The following FRK variants were observed in gnomAD, a reference collection of about 807,000 sequenced individuals.
The protein encoded by FRK is tyrosine-protein kinase FRK.
Under a neutral mutation model 56.4 loss-of-function variants are expected in FRK, and 51 were observed. The ratio of observed to expected loss-of-function variants is 0.90; its 90% CI spans 0.72 to 1.14. The LOEUF is 1.14. Ranked by LOEUF, FRK falls within the 50% of genes most tolerant of loss-of-function variation. The pLI is 0.00. For missense variants in FRK, 570 were observed against 601.4 expected, an observed-to-expected ratio of 0.95 and a Z score of 0.55; for synonymous variants, 245 against 217.9, an observed-to-expected ratio of 1.12 and a Z score of -1.10.
intron 4 of FRK, among the ~76,000 whole-genome samples, chr6:115,962,320 G>A (rs903262261): frequency 2.0e-5 from 3 of 151,340 alleles, no homozygotes; most frequent in African/African-American, 4.9e-5. Context: ...TAATGGTAAA[G>A]GGATCAATTC....
At position 115,931,986 on chromosome 6, in the gene FRK, T is replaced by A. The variant is rs1008808196; in HGVS notation, c.*10428A>T. On this transcript the variant is annotated 3_prime_UTR_variant, in exon 8 of 8. Coordinates refer to ENST00000606080, the MANE Select transcript of FRK (RefSeq NM_002031.3). ...TTATTCTCCATGAAAATGAAAAAGATGTTACATTGACGTCTGTTGCTTCAA... is the reference window on the plus strand; with the variant it reads ...TTATTCTCCATGAAAATGAAAAAGAAGTTACATTGACGTCTGTTGCTTCAA... 1 of 152,230 alleles carries A rather than the reference T, an allele frequency of 6.6e-6. No homozygotes were observed. Among genetic ancestry groups the A allele is most frequent in the Non-Finnish European group, 1.5e-5 (1 of 68,032 alleles). 9.4% of individuals were successfully genotyped at this position (152,230 alleles called of 1,614,324 possible). A position where few individuals can be genotyped will look rare whatever the true frequency, so the allele number is the denominator to read the frequency against.
chr6:115,932,567 A>C lies in FRK; in HGVS notation c.*9847T>G, dbSNP rs1459395610. On this transcript the variant is annotated 3_prime_UTR_variant, in exon 8 of 8. Transcript: ENST00000606080. Reference sequence around the variant, plus strand: ...TGATGCAATTTGAATAAGGTACCCAAATCATCACCATTCTAGCTCACATAA... The same window carrying C: ...TGATGCAATTTGAATAAGGTACCCACATCATCACCATTCTAGCTCACATAA... The C allele has an allele frequency of 6.6e-6, 1 of 152,216 alleles. No homozygotes were observed. Among genetic ancestry groups the C allele is most frequent in the Non-Finnish European group, 1.5e-5 (1 of 68,042 alleles). 9.4% of individuals were successfully genotyped at this position (152,216 alleles called of 1,614,324 possible).
chr6:116,022,385 C>G (rs549884938), intron 1 of FRK, among the ~76,000 whole-genome samples: 206 of 152,198 alleles, frequency 1.4e-3, no homozygotes, highest in Non-Finnish European at 2.6e-3. Flanking sequence ...AAGGAAACTA[C>G]AGATGAATAT....
At chr6:116,085,451 G>T in the FRK span, among the ~76,000 whole-genome samples, 1 of 152,164 alleles carries the variant, frequency 6.6e-6, no homozygotes, top group African/African-American at 2.4e-5. Context: ...ATGCATAAAT[G>T]ACTTAGTCTA....
intron 1 of FRK, among the ~76,000 whole-genome samples, chr6:116,024,310 A>T (rs1775993187): frequency 6.6e-6 from 1 of 151,826 alleles, no homozygotes; most frequent in African/African-American, 2.4e-5. Context: ...ACATGTGCAC[A>T]ATGTGCAGGT....
intron 4 of FRK, among the ~76,000 whole-genome samples, chr6:115,957,478 T>C (rs1477373705): frequency 6.6e-6 from 1 of 152,246 alleles, no homozygotes; most frequent in Non-Finnish European, 1.5e-5. Flanking sequence ...AATACTGTCA[T>C]TTCACATCTT....
At chr6:116,050,602 C>T (rs1290827495) in intron 1 of FRK, among the ~76,000 whole-genome samples, 2 of 152,172 alleles carry the variant, frequency 1.3e-5, no homozygotes, top group African/African-American at 4.8e-5. Context: ...TAAAACACTA[C>T]AGATGTGTTC....
Position 116,060,565 on chromosome 6 carries a change from G to A in FRK, c.-254C>T, listed in dbSNP as rs543895754. The A allele has an allele frequency of 4.5e-6, 2 of 447,010 alleles. No homozygotes were observed. The highest frequency in any genetic ancestry group is 8.0e-6 in the Non-Finnish European group (2 of 250,608). The allele number at this position is 447,010 out of a possible 1,614,324, so 27.7% of individuals were successfully genotyped here. On this transcript the variant is annotated 5_prime_UTR_variant, in exon 1 of 8. Coordinates refer to ENST00000606080, the MANE Select transcript of FRK (RefSeq NM_002031.3). ...AAAACTGAGCAGGAGCTGGGCAGCT[G>A]CTCACTAGGAAGGTGTCTTTTCTTC...
chr6:115,954,268 C>A (rs762274496), intron 5 of FRK, among the ~76,000 whole-genome samples: 8 of 152,090 alleles, frequency 5.3e-5, no homozygotes, highest in Non-Finnish European at 1.0e-4. Flanking sequence ...AAGATGAGAT[C>A]CGAGAGGGAA....
At chr6:115,967,447 C>T in intron 4 of FRK, 104 bp downstream of exon 4, 1 of 1,099,700 alleles carries the variant, frequency 9.1e-7, no homozygotes, top group Non-Finnish European at 1.3e-6. Flanking sequence ...ACAACACCTG[C>T]TTGCTGCCAG....
At chr6:115,995,484 G>A (rs980494010) in intron 2 of FRK, among the ~76,000 whole-genome samples, 1 of 151,944 alleles carries the variant, frequency 6.6e-6, no homozygotes, top group Non-Finnish European at 1.5e-5. Flanking sequence ...TCTTTGTTAT[G>A]TTTTCCTCCA....
At chr6:116,093,175 C>T in the FRK span, among the ~76,000 whole-genome samples, 55 of 152,262 alleles carry the variant, frequency 3.6e-4, no homozygotes, top group African/African-American at 1.3e-3. Context: ...CTCCCTATAG[C>T]TCCCCTTCCT....
chr6:116,023,450 CA>C (rs889648479), intron 1 of FRK, among the ~76,000 whole-genome samples: 1 of 152,100 alleles, frequency 6.6e-6, no homozygotes, highest in Admixed American at 6.6e-5. Context: ...TACTCAGAAT[CA>C]AAAATCAGCA....
At chr6:116,060,959 C>T (rs1777605082), upstream of FRK, among the ~76,000 whole-genome samples, 1 of 152,194 alleles carries the variant, frequency 6.6e-6, no homozygotes, top group Non-Finnish European at 1.5e-5. Flanking sequence ...CCTCTTTACC[C>T]CTCCCATCTC....
At chr6:116,072,530 A>AAC in the FRK span, among the ~76,000 whole-genome samples, 43,448 of 144,704 alleles carry the variant, frequency 0.3, 6,732 homozygotes, top group Non-Finnish European at 0.36. Flanking sequence ...AGGTTAAATA[A>AAC]ACACACACAC....
intron 1 of FRK, among the ~76,000 whole-genome samples, chr6:116,049,251 A>G (rs796906699): frequency 3.9e-5 from 6 of 152,248 alleles, no homozygotes; most frequent in African/African-American, 1.4e-4. Context: ...TTCTCCATGA[A>G]TGCTTCAGCT....
chr6:116,012,753 C>A (rs1037818849), intron 1 of FRK, among the ~76,000 whole-genome samples: 1 of 152,096 alleles, frequency 6.6e-6, no homozygotes, highest in Non-Finnish European at 1.5e-5. Flanking sequence ...TTTGAGCTTG[C>A]CACATAGCTT....
At chr6:116,049,953 C>T (rs745316305) in intron 1 of FRK, among the ~76,000 whole-genome samples, 3 of 152,180 alleles carry the variant, frequency 2.0e-5, no homozygotes, top group Non-Finnish European at 4.4e-5. Flanking sequence ...GGACTGATCT[C>T]TTCTATCTCT....
chr6:116,044,985 G>T (rs896951871), intron 1 of FRK, among the ~76,000 whole-genome samples: 5 of 152,140 alleles, frequency 3.3e-5, no homozygotes, highest in Non-Finnish European at 7.4e-5. Flanking sequence ...ATTCACAATT[G>T]CTACAAAGAG....
Sources: gnomAD v4.1 joint callset for allele counts (sites outside exome capture counted in the v4.1 genomes callset) on GRCh38, gnomAD v4.1.1 for gene constraint, MANE v1.5 for transcripts, NCBI Gene and HGNC (gene_info 2026-07-23, HGNC 2026-07-21) for gene names.